Variants in USP10 observed in about 807,000 individuals in gnomAD.
USP10 encodes the protein ubiquitin carboxyl-terminal hydrolase 10.
In USP10, 22 loss-of-function variants were observed where a neutral mutation model predicts 84.5. The ratio of observed to expected loss-of-function variants is 0.26; its 90% CI spans 0.19 to 0.37. The LOEUF (loss-of-function observed/expected upper bound fraction) is 0.37, where lower values mean the gene tolerates loss of function less well. Ranked by LOEUF, USP10 falls within the 10% of genes least tolerant of loss-of-function variation. The pLI, the probability that USP10 is intolerant of heterozygous loss-of-function variation, is 1.00. For missense variants in USP10, 1,019 were observed against 998.9 expected, an observed-to-expected ratio of 1.02 and a Z score of -0.27; for synonymous variants, 454 against 387.6, an observed-to-expected ratio of 1.17 and a Z score of -2.01.
At chr16:84,718,297 A>G (rs1159218248) in intron 1 of USP10, among the ~76,000 whole-genome samples, 1 of 152,172 alleles carries the variant, frequency 6.6e-6, no homozygotes, top group Non-Finnish European at 1.5e-5. Flanking sequence ...TCTGTGACCC[A>G]AGATAGAGTG....
intron 1 of USP10, among the ~76,000 whole-genome samples, chr16:84,727,332 C>T (rs918591989): frequency 3.3e-5 from 5 of 152,108 alleles, no homozygotes; most frequent in African/African-American, 1.2e-4. Flanking sequence ...CTACAATTTT[C>T]CCCCCTCATG....
At chr16:84,727,621 G>T (rs2150789072) in intron 1 of USP10, among the ~76,000 whole-genome samples, 1 of 152,320 alleles carries the variant, frequency 6.6e-6, no homozygotes, top group East Asian at 1.9e-4. Flanking sequence ...AATCATTTGT[G>T]TGTGCTGGAA....
At chr16:84,701,668 G>A (rs567522147) in intron 1 of USP10, among the ~76,000 whole-genome samples, 1 of 152,216 alleles carries the variant, frequency 6.6e-6, no homozygotes, top group East Asian at 1.9e-4. Flanking sequence ...CACAATTCAA[G>A]GTTGATTGAA....
At position 84,700,054 on chromosome 16, in the gene USP10, G is replaced by A. The variant is rs747216657; in HGVS notation, c.-37G>A. 7 of 1,364,846 alleles carry A rather than the reference G, an allele frequency of 5.1e-6. No individual in the cohort carries two copies. In the South Asian group the frequency reaches 6.8e-5, roughly 13 times the overall value. 84.5% of individuals were successfully genotyped at this position (1,364,846 alleles called of 1,614,324 possible). ...GGCGGCGGGGGAAGCAGCGTGAGCAGCCGGAGGATCGCGGAGTCCCAATGA... is the reference window on the plus strand; with the variant it reads ...GGCGGCGGGGGAAGCAGCGTGAGCAACCGGAGGATCGCGGAGTCCCAATGA... On this transcript the variant is annotated 5_prime_UTR_variant, in exon 1 of 14. Transcript: ENST00000219473.
At chr16:84,760,332 G>A in intron 8 of USP10, 57 bp downstream of exon 8, 1 of 1,456,906 alleles carries the variant, frequency 6.9e-7, no homozygotes, top group African/African-American at 1.4e-5. Flanking sequence ...TCCAGTGTTT[G>A]TGTGGTAACT....
intron 1 of USP10, among the ~76,000 whole-genome samples, chr16:84,727,795 AT>A (rs1908701094): frequency 6.6e-6 from 1 of 152,236 alleles, no homozygotes; most frequent in Non-Finnish European, 1.5e-5. Context: ...TTGAATGTGT[AT>A]TTCCTAAGAA....
intron 11 of USP10, among the ~76,000 whole-genome samples, chr16:84,769,157 T>G (rs149920446): frequency 6.6e-6 from 1 of 152,280 alleles, no homozygotes; most frequent in Non-Finnish European, 1.5e-5. Context: ...CAAAGCGATA[T>G]TTGAATAATG....
chr16:84,744,510 G>A (rs1391975697), intron 3 of USP10, 123 bp from the exon 4 acceptor site: 15 of 854,172 alleles, frequency 1.8e-5, no homozygotes, highest in East Asian at 2.7e-5. Flanking sequence ...AGTAAAGGAC[G>A]TAATAGATTT....
intron 1 of USP10, 134 bp downstream of exon 1, chr16:84,700,245 G>C (rs891638434): frequency 1.9e-5 from 14 of 738,096 alleles, no homozygotes; most frequent in African/African-American, 3.8e-5. Flanking sequence ...CACGCTGCCC[G>C]GGCCTAGGCC....
At chr16:84,768,068 C>A in intron 10 of USP10, 125 bp from the exon 11 acceptor site, 1 of 1,167,802 alleles carries the variant, frequency 8.6e-7, no homozygotes, top group Non-Finnish European at 1.2e-6. Context: ...TTTGGCTTTT[C>A]TCTGTGGTCT....
chr16:84,733,213 G>T, intron 1 of USP10: 1 of 597,626 alleles, frequency 1.7e-6, no homozygotes, highest in Non-Finnish European at 3.1e-6. Context: ...AGCTTTATCA[G>T]TTTCATAGTG....
At chr16:84,759,781 A>G (rs910444240) in intron 6 of USP10, 110 bp from the exon 7 acceptor site, 24 of 1,160,536 alleles carry the variant, frequency 2.1e-5, no homozygotes, top group Non-Finnish European at 2.8e-5. Flanking sequence ...TTGGTTACCT[A>G]AAATCTACTA....
intron 10 of USP10, among the ~76,000 whole-genome samples, chr16:84,765,709 G>T (rs1283730362): frequency 1.3e-5 from 2 of 152,102 alleles, no homozygotes; most frequent in Non-Finnish European, 2.9e-5. Flanking sequence ...TGGCTGTTGT[G>T]AACTGATTGG....
intron 1 of USP10, among the ~76,000 whole-genome samples, chr16:84,705,922 A>G (rs939818102): frequency 6.6e-6 from 1 of 151,816 alleles, no homozygotes; most frequent in African/African-American, 2.4e-5. Context: ...GGGTTTCACC[A>G]TGTTAGTCAG....
chr16:84,704,679 G>T (rs544392799), intron 1 of USP10: 1 of 1,459,436 alleles, frequency 6.9e-7, no homozygotes, highest in South Asian at 1.4e-5. Context: ...CATAAACCTC[G>T]ATGTAGAATC....
intron 1 of USP10, chr16:84,732,454 T>C (rs1221872969): frequency 4.9e-6 from 2 of 407,858 alleles, no homozygotes; most frequent in Non-Finnish European, 9.5e-6. Flanking sequence ...CTTTTTTTTT[T>C]TTTTCTTTTT....
chr16:84,739,743 A>G (rs1051574192), intron 2 of USP10, among the ~76,000 whole-genome samples: 1 of 152,236 alleles, frequency 6.6e-6, no homozygotes, highest in African/African-American at 2.4e-5. Context: ...TCTGCCAAAC[A>G]AGGAATGTGA....
At chr16:84,754,578 C>G (rs548465163) in intron 4 of USP10, among the ~76,000 whole-genome samples, 1 of 152,266 alleles carries the variant, frequency 6.6e-6, no homozygotes, top group South Asian at 2.1e-4. Flanking sequence ...TGCTAGAAGA[C>G]TTGATTTTAA....
chr16:84,764,458 C>T (rs1449444891), intron 10 of USP10, among the ~76,000 whole-genome samples, 195 bp downstream of exon 10: 2 of 152,194 alleles, frequency 1.3e-5, no homozygotes, highest in Non-Finnish European at 1.5e-5. Context: ...TCCCTGCTGG[C>T]GCATGTCTGC....
Sources: allele counts gnomAD v4.1 joint callset (sites outside exome capture counted in the v4.1 genomes callset), GRCh38; gene constraint gnomAD v4.1.1; transcripts MANE v1.5; gene names NCBI Gene and HGNC (gene_info 2026-07-23, HGNC 2026-07-21).